Variants in PLGRKT observed in about 807,000 individuals in gnomAD.
PLGRKT encodes the protein plasminogen receptor with a C-terminal lysine, also known as plasminogen receptor (KT).
PLGRKT carries 22 observed loss-of-function variants against 18.5 expected under a neutral mutation model. The ratio of observed to expected loss-of-function variants is 1.19; its 90% confidence interval spans 0.85 to 1.70. PLGRKT has a LOEUF of 1.70. Among genes scored for constraint, PLGRKT ranks in the 40% most tolerant of loss-of-function variants. PLGRKT has a pLI of 0.00. For synonymous variants in PLGRKT, 72 were observed against 52.8 expected, an observed-to-expected ratio of 1.36 and a Z score of -1.58; for missense variants, 235 against 174.4, an observed-to-expected ratio of 1.35 and a Z score of -1.96.
chr9:5,384,800 C>T (rs574259100), intron 3 of PLGRKT, among the ~76,000 whole-genome samples: 13 of 152,048 alleles, frequency 8.5e-5, no homozygotes, highest in Non-Finnish European at 1.3e-4. Flanking sequence ...TGAAAAGATG[C>T]ACAAGAACCC....
At chr9:5,388,085 G>A (rs572511247) in intron 3 of PLGRKT, among the ~76,000 whole-genome samples, 13 of 152,020 alleles carry the variant, frequency 8.6e-5, no homozygotes, top group Admixed American at 5.9e-4. Flanking sequence ...TCAGTTATGC[G>A]GGAGTTATTT....
chr9:5,358,324 T>G lies in PLGRKT; in HGVS notation c.359A>C (p.Lys120Thr). Residue 120 changes from lysine to threonine, a missense_variant, in exon 6 of 6, where the codon AAA (lysine) becomes ACA (threonine). Transcript: ENST00000223864. ...AEDILETEKS[K>T]LQLPRGMITF... ...GATCATTCCTCTTGGCAGCTGCAAT[T>G]TACTCTTTTCTGTTTCCAGTATGTC... The G allele has an allele frequency of 6.2e-7, 1 of 1,611,712 alleles. No individual in the cohort carries two copies. Among genetic ancestry groups the G allele is most frequent in the Non-Finnish European group, 8.5e-7 (1 of 1,178,104 alleles).
intron 3 of PLGRKT, among the ~76,000 whole-genome samples, chr9:5,403,429 T>C (rs567742632): frequency 1.3e-5 from 2 of 152,238 alleles, no homozygotes; most frequent in South Asian, 2.1e-4. Flanking sequence ...TTCACCAAGT[T>C]AGCCAGGCTG....
chr9:5,424,693 C>CATATATATATATATATATATATAT, intron 3 of PLGRKT, among the ~76,000 whole-genome samples: 1 of 58,042 alleles, frequency 1.7e-5, no homozygotes, highest in Admixed American at 1.9e-4. Flanking sequence ...TATATATATA[C>CATATATATATATATATATATATAT]ACACAGGGGG....
chr9:5,384,588 G>A (rs1450492391), intron 3 of PLGRKT, among the ~76,000 whole-genome samples: 1 of 152,102 alleles, frequency 6.6e-6, no homozygotes, highest in Non-Finnish European at 1.5e-5. Context: ...TGGAGATACT[G>A]CTCTTGATTA....
chr9:5,413,691 AC>A (rs1490610709), intron 3 of PLGRKT, among the ~76,000 whole-genome samples: 2 of 152,328 alleles, frequency 1.3e-5, no homozygotes, highest in East Asian at 1.9e-4. Flanking sequence ...TCCATTGAGA[AC>A]CATTTCAAAC....
chr9:5,387,667 T>TG (rs1491519907), intron 3 of PLGRKT, among the ~76,000 whole-genome samples: 34 of 129,146 alleles, frequency 2.6e-4, no homozygotes, highest in African/African-American at 8.8e-4. Context: ...GGAAGCCTCC[T>TG]GCGGGGGGGC....
chr9:5,372,979 G>C (rs1363745683), intron 3 of PLGRKT, among the ~76,000 whole-genome samples: 1 of 152,156 alleles, frequency 6.6e-6, no homozygotes, highest in Non-Finnish European at 1.5e-5. Context: ...ACCCAGGCCT[G>C]CCTGCTCCAA....
chr9:5,358,468 G>T, intron 5 of PLGRKT, 108 bp from the exon 6 acceptor site: 1 of 841,204 alleles, frequency 1.2e-6, no homozygotes, highest in Non-Finnish European at 1.9e-6. Flanking sequence ...TATGAGCCAT[G>T]TCCCCAATCT....
intron 3 of PLGRKT, among the ~76,000 whole-genome samples, chr9:5,362,543 C>T (rs1366891267): frequency 6.6e-6 from 1 of 152,086 alleles, no homozygotes; most frequent in African/African-American, 2.4e-5. Context: ...TAAACCCAAG[C>T]CCATTATTTG....
At chr9:5,380,774 C>A (rs1316669969) in intron 3 of PLGRKT, among the ~76,000 whole-genome samples, 2 of 152,160 alleles carry the variant, frequency 1.3e-5, no homozygotes, top group Non-Finnish European at 1.5e-5. Context: ...ATAATAGATA[C>A]AAAATAAATA....
At chr9:5,359,990 T>A (rs1328779142) in intron 5 of PLGRKT, among the ~76,000 whole-genome samples, 1 of 152,256 alleles carries the variant, frequency 6.6e-6, no homozygotes, top group Non-Finnish European at 1.5e-5. Flanking sequence ...CATTGATTTT[T>A]ATGGAATGCT....
chr9:5,418,522 T>A lies in PLGRKT; in HGVS notation c.81+13375A>T, dbSNP rs1465338754. On this transcript the variant is annotated intron_variant, in intron 3 of 5. Transcript: ENST00000223864. The surrounding 1 kb of genome is among the most constrained non-coding windows in gnomAD (Gnocchi z 4.2). ...CACCATGCCCCGCCTGTCCTGCTCC[T>A]CCTCCGCCACCCCCTGGGGAGCCCT... 3.0e-6 allele frequency: 3 copies of A among 993,600 alleles called. No homozygotes were observed. The highest frequency in any genetic ancestry group is 5.2e-5 in the East Asian group (2 of 38,614). The allele number at this position is 993,600 out of a possible 1,614,324, so 61.5% of individuals were successfully genotyped here.
chr9:5,358,783 C>A (rs1407078096), intron 5 of PLGRKT, among the ~76,000 whole-genome samples: 1 of 152,126 alleles, frequency 6.6e-6, no homozygotes, highest in Non-Finnish European at 1.5e-5. Flanking sequence ...AATCTTCAAC[C>A]TGACATTACT....
At chr9:5,432,908 C>CA (rs1393048131) in intron 2 of PLGRKT, among the ~76,000 whole-genome samples, 1 of 151,994 alleles carries the variant, frequency 6.6e-6, no homozygotes, top group Non-Finnish European at 1.5e-5. Flanking sequence ...AGCCTCTGCC[C>CA]GCCCGCCACT....
In PLGRKT at chr9:5,424,480, A is replaced by C. The variant is rs10975110; in HGVS notation, c.81+7417T>G. Among the ~76,000 whole-genome samples the C allele has an allele frequency of 3.8e-4, 48 of 126,920 alleles. 1 individual carries two copies. The highest frequency in any genetic ancestry group is 1.3e-3 in the African/African-American group (45 of 33,512). 83.3% of individuals were successfully genotyped at this position (126,920 alleles called of 152,430 possible). On this transcript the variant is annotated intron_variant, in intron 3 of 5. Transcript: ENST00000223864. The stretch of plus-strand genomic sequence containing the variant: ...TAACATAATATATAACATATTATAA[A>C]ATATAATATATATTATTAACATATA...
intron 3 of PLGRKT, among the ~76,000 whole-genome samples, chr9:5,365,917 T>C (rs1416466559): frequency 6.6e-6 from 1 of 152,170 alleles, no homozygotes; most frequent in Non-Finnish European, 1.5e-5. Flanking sequence ...CCATCTTTCA[T>C]AGATAAATTA....
At chr9:5,409,142 C>A (rs1818312569) in intron 3 of PLGRKT, among the ~76,000 whole-genome samples, 1 of 152,180 alleles carries the variant, frequency 6.6e-6, no homozygotes, top group South Asian at 2.1e-4. Context: ...CACAAAGATT[C>A]CACTGGGGCA....
intron 3 of PLGRKT, among the ~76,000 whole-genome samples, chr9:5,403,345 T>G (rs1818193272): frequency 1.3e-5 from 2 of 149,296 alleles, no homozygotes; most frequent in Admixed American, 6.6e-5. Flanking sequence ...TACCTCAGCC[T>G]CCTGAGTAGC....
Sources: gnomAD v4.1 joint callset for allele counts (sites outside exome capture counted in the v4.1 genomes callset) on GRCh38, gnomAD v4.1.1 for gene constraint, Gnocchi (gnomAD v3.1) non-coding constraint, MANE v1.5 for transcripts, NCBI Gene and HGNC (gene_info 2026-07-23, HGNC 2026-07-21) for gene names.